Variants in CCDC85A observed in about 807,000 individuals in gnomAD.
The protein encoded by CCDC85A is coiled-coil domain-containing protein 85A.
A neutral mutation model predicts 50.2 loss-of-function variants in CCDC85A; 38 were observed. The ratio of observed to expected loss-of-function variants is 0.76; its 90% CI spans 0.58 to 0.99. The LOEUF is 0.99. Ranked by LOEUF, CCDC85A falls within the 50% of genes least tolerant of loss-of-function variation. CCDC85A has a pLI of 0.00. For synonymous variants in CCDC85A, 366 were observed against 301.4 expected, an observed-to-expected ratio of 1.21 and a Z score of -2.22; for missense variants, 820 against 742.0, an observed-to-expected ratio of 1.11 and a Z score of -1.22.
chr2:56,356,596 T>C (rs1279164357), intron 3 of CCDC85A, among the ~76,000 whole-genome samples: 1 of 151,840 alleles, frequency 6.6e-6, no homozygotes, highest in African/African-American at 2.4e-5. Context: ...TAGCCAGGCA[T>C]GGTGGCAGAC....
chr2:56,324,249 GA>G (rs1410610200), intron 2 of CCDC85A, among the ~76,000 whole-genome samples: 7 of 152,120 alleles, frequency 4.6e-5, no homozygotes, highest in Non-Finnish European at 7.4e-5. Context: ...GCTGCCAACA[GA>G]GGGGAGAAGG....
rs70955011 is a variant in CCDC85A at position 56,189,297 on chromosome 2, G to GTTTT, written c.277-3168_277-3165dup. ...AAAACATGCACGGGGTATTTTTGGT[G>GTTTT]TTTTTTTTTTTTTTTGAGACAAGGT... On this transcript the variant is annotated intron_variant, in intron 1 of 5. Coordinates refer to ENST00000407595, the MANE Select transcript of CCDC85A (RefSeq NM_001080433.2). Among the ~76,000 whole-genome samples, 32 of 121,970 alleles carry GTTTT rather than the reference G, an allele frequency of 2.6e-4. 1 individual carries two copies. Among genetic ancestry groups the GTTTT allele is most frequent in the African/African-American group, 1.1e-3 (32 of 29,200 alleles). The allele number at this position is 121,970 out of a possible 152,430, so 80.0% of individuals were successfully genotyped here.
At chr2:56,287,352 C>T (rs1404124290) in intron 2 of CCDC85A, among the ~76,000 whole-genome samples, 1 of 152,224 alleles carries the variant, frequency 6.6e-6, no homozygotes, top group Non-Finnish European at 1.5e-5. Context: ...TAGTTCTCTA[C>T]TTGGGCTTCA....
intron 2 of CCDC85A, among the ~76,000 whole-genome samples, chr2:56,263,502 G>A (rs1365705128): frequency 6.6e-6 from 1 of 152,158 alleles, no homozygotes; most frequent in Non-Finnish European, 1.5e-5. Context: ...GCCCTGGCCA[G>A]GATATTTCCA....
intron 2 of CCDC85A, among the ~76,000 whole-genome samples, chr2:56,197,745 A>T (rs1488454281): frequency 6.6e-6 from 1 of 152,194 alleles, no homozygotes; most frequent in Non-Finnish European, 1.5e-5. Context: ...TGTTACCGTA[A>T]AACTTCACTC....
chr2:56,372,777 T>C (rs1330734308), intron 4 of CCDC85A, among the ~76,000 whole-genome samples: 1 of 152,214 alleles, frequency 6.6e-6, no homozygotes, highest in African/African-American at 2.4e-5. Flanking sequence ...TTGAAAATCA[T>C]GTCTCTAGAC....
rs998843478 is a variant in CCDC85A, at chr2:56,365,127, C to A, written c.1318-7217C>A. ...ATCCTTCTACTACAGGAAGATAGAA[C>A]TAATTTTATTTTCCTGAACATGTCA... On this transcript the variant is annotated intron_variant, in intron 3 of 5. Coordinates refer to ENST00000407595, the MANE Select transcript of CCDC85A (RefSeq NM_001080433.2). Among the ~76,000 whole-genome samples the A allele has an allele frequency of 2.0e-5, 3 of 152,306 alleles. No individual in the cohort carries two copies. The East Asian group carries it at 5.8e-4, about 29-fold the overall frequency.
At chr2:56,291,766 G>A (rs1409270718) in intron 2 of CCDC85A, among the ~76,000 whole-genome samples, 1 of 122,438 alleles carries the variant, frequency 8.2e-6, no homozygotes. Context: ...AAAGAAAAAT[G>A]GGAAGGCTTT....
chr2:56,354,734 T>G (rs946415090), intron 3 of CCDC85A, among the ~76,000 whole-genome samples: 1 of 152,236 alleles, frequency 6.6e-6, no homozygotes, highest in Admixed American at 6.5e-5. Flanking sequence ...AAGAGCATAT[T>G]AAATAAATTA....
chr2:56,184,111 G>C lies in CCDC85A; in HGVS notation c.-514G>C, dbSNP rs1675880215. The C allele has an allele frequency of 2.1e-6, 2 of 975,552 alleles. No individual in the cohort carries two copies. The highest frequency in any genetic ancestry group is 3.5e-5 in the African/African-American group (2 of 57,110). 60.4% of individuals were successfully genotyped at this position (975,552 alleles called of 1,614,324 possible). A position where few individuals can be genotyped will look rare whatever the true frequency, so the allele number is the denominator to read the frequency against. On this transcript the variant is annotated 5_prime_UTR_variant, in exon 1 of 6. Coordinates refer to ENST00000407595, the MANE Select transcript of CCDC85A (RefSeq NM_001080433.2). ...GGGCAGCCGCGGCGGCGTCGCTAGA[G>C]CAGCCGGGGAGGCGCCGCGGTGCCC...
chr2:56,233,538 G>A (rs1668867648), intron 2 of CCDC85A, among the ~76,000 whole-genome samples: 1 of 152,080 alleles, frequency 6.6e-6, no homozygotes, highest in Non-Finnish European at 1.5e-5. Context: ...AAATGAATGG[G>A]TATGACTGTC....
rs1038354501 is a variant in CCDC85A, at chr2:56,184,801, C to T, written c.177C>T (p.Ala59=). ...KEELIRSLRR[A]EAEKVSAMLD... ...AGCTGATCCGCAGCCTGCGGCGCGC[C>T]GAGGCGGAGAAGGTGAGCGCGATGC... Residue 59 remains alanine, a synonymous_variant, in exon 1 of 6, where the codon GCC becomes GCT. Coordinates refer to ENST00000407595, the MANE Select transcript of CCDC85A (RefSeq NM_001080433.2). The T allele has an allele frequency of 1.3e-5, 20 of 1,546,340 alleles. No homozygotes were observed. The Admixed American group carries it at 2.7e-4, about 21-fold the overall frequency.
intron 2 of CCDC85A, among the ~76,000 whole-genome samples, chr2:56,305,006 G>C (rs13001166): frequency 1.3e-5 from 2 of 151,644 alleles, no homozygotes; most frequent in Non-Finnish European, 2.9e-5. Context: ...AGGAGGCTGA[G>C]AGAAGAGAAT....
chr2:56,251,527 T>C (rs1669756448), intron 2 of CCDC85A, among the ~76,000 whole-genome samples: 2 of 152,142 alleles, frequency 1.3e-5, no homozygotes, highest in Admixed American at 1.3e-4. Context: ...TAAATATTGT[T>C]TGTATCATGT....
chr2:56,308,781 A>G (rs1553409300), intron 2 of CCDC85A, among the ~76,000 whole-genome samples: 1 of 152,134 alleles, frequency 6.6e-6, no homozygotes, highest in South Asian at 2.1e-4. Flanking sequence ...ACACTTTCTC[A>G]TTGACCGCTG....
intron 2 of CCDC85A, among the ~76,000 whole-genome samples, chr2:56,199,092 T>C (rs2103844266): frequency 6.6e-6 from 1 of 152,368 alleles, no homozygotes; most frequent in South Asian, 2.1e-4. Context: ...GAATTAGTGA[T>C]GCATGTATCA....
At chr2:56,272,132 T>G (rs1670726778) in intron 2 of CCDC85A, among the ~76,000 whole-genome samples, 1 of 152,174 alleles carries the variant, frequency 6.6e-6, no homozygotes, top group Non-Finnish European at 1.5e-5. Context: ...ACCTAAATAC[T>G]AGCAGACAAG....
intron 1 of CCDC85A, among the ~76,000 whole-genome samples, chr2:56,190,572 A>G (rs982926904): frequency 3.3e-5 from 5 of 152,208 alleles, no homozygotes; most frequent in Non-Finnish European, 5.9e-5. Flanking sequence ...CTTCTATAGA[A>G]TGGTGTCTAT....
At chr2:56,372,763 G>A (rs577281864) in intron 4 of CCDC85A, among the ~76,000 whole-genome samples, 26 of 152,256 alleles carry the variant, frequency 1.7e-4, no homozygotes, top group African/African-American at 5.5e-4. Context: ...TTAGGTCAGT[G>A]GTCTTGAAAA....
Sources: allele counts gnomAD v4.1 joint callset (sites outside exome capture counted in the v4.1 genomes callset), GRCh38; gene constraint gnomAD v4.1.1; transcripts MANE v1.5; gene names NCBI Gene and HGNC (gene_info 2026-07-23, HGNC 2026-07-21).